Variants in TRAPPC4 observed in about 807,000 individuals in gnomAD.
TRAPPC4 encodes TRS23 homolog.
In TRAPPC4, 30 loss-of-function variants were observed where a neutral mutation model predicts 23.5. That is an observed-to-expected ratio of 1.28 (90% CI 0.96 to 1.73). The LOEUF (loss-of-function observed/expected upper bound fraction) is 1.73. Among genes scored for constraint, TRAPPC4 ranks in the 40% most tolerant of loss-of-function variants. TRAPPC4 has a pLI of 0.00. For missense variants in TRAPPC4, 252 were observed against 268.9 expected (o/e 0.94, Z 0.44); for synonymous variants, 129 against 105.3 (o/e 1.23, Z -1.38).
intron 2 of TRAPPC4, chr11:119,019,597 A>C: frequency 5.3e-6 from 2 of 374,734 alleles, no homozygotes; most frequent in Non-Finnish European, 9.9e-6. Context: ...GCGTGCCACC[A>C]CGACCAGCTA....
intron 2 of TRAPPC4, chr11:119,019,662 A>ATCTCCTG (rs1331488459): frequency 3.9e-6 from 1 of 255,146 alleles, no homozygotes; most frequent in African/African-American, 2.3e-5. Context: ...GCTGGTCTCA[A>ATCTCCTG]ACTCCTGACC....
At chr11:119,023,149 G>A in intron 4 of TRAPPC4, 172 bp from the exon 5 acceptor site, 1 of 534,706 alleles carries the variant, frequency 1.9e-6, no homozygotes, top group Admixed American at 3.0e-5. Context: ...ATTTTTAGTA[G>A]AGACAGGGTT....
At chr11:119,022,957 G>GTTGT (rs1943419494) in intron 4 of TRAPPC4, 3 of 85,514 alleles carry the variant, frequency 3.5e-5, no homozygotes, top group Admixed American at 1.6e-4. Flanking sequence ...TTTTGTTGAT[G>GTTGT]TTTTTTTTTT....
chr11:119,022,816 G>A (rs1036967650), intron 4 of TRAPPC4, among the ~76,000 whole-genome samples: 8 of 151,876 alleles, frequency 5.3e-5, no homozygotes, highest in East Asian at 3.9e-4. Flanking sequence ...AAGCAGAATC[G>A]CTTCAATCTG....
At chr11:119,019,103 C>T (rs3802883) in intron 1 of TRAPPC4, 40 bp from the exon 2 acceptor site, 4 of 1,601,572 alleles carry the variant, frequency 2.5e-6, no homozygotes, top group South Asian at 2.2e-5. Flanking sequence ...GCGGAATCCC[C>T]GGGCTGCACC....
rs1943450129 is a variant in TRAPPC4 at position 119,023,353 on chromosome 11, C to T, written c.614C>T (p.Ala205Val). Residue 205 changes from alanine to valine, a missense_variant, in exon 5 of 5, where the codon GCT (alanine) becomes GTT (valine). This residue lies in a region of TRAPPC4 where 21 missense variants were observed against 24.8 expected (regional missense o/e 0.85). Coordinates refer to ENST00000533632, the MANE Select transcript of TRAPPC4 (RefSeq NM_016146.6). Reference protein sequence around the residue: ...CELFDQNLKLALEVAEKAGTF... With the variant: ...CELFDQNLKLVLEVAEKAGTF... ...CTCTTTGACCAGAACCTGAAGCTAG[C>T]TCTGGAGGTGGCAGAGAAGGCTGGA... 6.2e-7 allele frequency: 1 copy of T among 1,613,988 alleles called. No homozygotes were observed. Among genetic ancestry groups the T allele is most frequent in the Non-Finnish European group, 8.5e-7 (1 of 1,180,006 alleles).
At chr11:119,022,774 C>T (rs1261175412) in intron 4 of TRAPPC4, among the ~76,000 whole-genome samples, 1 of 116,748 alleles carries the variant, frequency 8.6e-6, no homozygotes, top group Non-Finnish European at 1.7e-5. Context: ...TCGTGTGCAC[C>T]TGCAATCCCA....
At position 119,023,349 on chromosome 11, in the gene TRAPPC4, C is replaced by T. The variant is rs782789119; in HGVS notation, c.610C>T (p.Leu204=). The change falls in exon 5 of 5, where the codon CTA becomes TTA. Residue 204 remains leucine, a synonymous_variant. Coordinates refer to ENST00000533632, the MANE Select transcript of TRAPPC4 (RefSeq NM_016146.6). ...RCELFDQNLK[L]ALEVAEKAGT... is the part of the protein sequence containing the mutation. Reference sequence around the variant, plus strand: ...TGAGCTCTTTGACCAGAACCTGAAGCTAGCTCTGGAGGTGGCAGAGAAGGC... The same window carrying T: ...TGAGCTCTTTGACCAGAACCTGAAGTTAGCTCTGGAGGTGGCAGAGAAGGC... 6.2e-7 allele frequency: 1 copy of T among 1,614,112 alleles called. No individual in the cohort carries two copies. The highest frequency in any genetic ancestry group is 8.5e-7 in the Non-Finnish European group (1 of 1,179,996).
rs782533702 is a variant in TRAPPC4 at position 119,018,840 on chromosome 11, GATTTACC to G, written c.47_53del (p.Ile16SerfsTer54). On this transcript the variant is annotated frameshift_variant, in exon 1 of 5. Transcript: ENST00000533632. LOFTEE classifies it high-confidence loss of function. ...ATGTGGTGAACAAAGCTGGCGGCTT[GATTTACC>G]AGTTGGACAGCTACGCGCCACGGGC... The G allele has an allele frequency of 6.2e-7, 1 of 1,614,248 alleles. No individual in the cohort carries two copies. The highest frequency in any genetic ancestry group is 8.5e-7 in the Non-Finnish European group (1 of 1,180,028).
At chr11:119,019,009 G>A (rs1943250836) in intron 1 of TRAPPC4, 39 bp downstream of exon 1, 1 of 1,602,618 alleles carries the variant, frequency 6.2e-7, no homozygotes, top group Non-Finnish European at 8.5e-7. Flanking sequence ...GCGGGGGTGG[G>A]AGGGCCCCAG....
chr11:119,019,522 G>A (rs951148730), intron 2 of TRAPPC4: 30 of 560,408 alleles, frequency 5.4e-5, no homozygotes, highest in Middle Eastern at 9.6e-4. Context: ...GCTCACTGCA[G>A]CCTCTGCCTC....
Position 119,021,742 on chromosome 11 carries a change from T to A in TRAPPC4, c.455-18T>A. 6.2e-7 allele frequency: 1 copy of A among 1,613,800 alleles called. No individual in the cohort carries two copies. Among genetic ancestry groups the A allele is most frequent in the Non-Finnish European group, 8.5e-7 (1 of 1,179,808 alleles). On this transcript the variant is annotated intron_variant, in intron 3 of 4. Coordinates refer to ENST00000533632, the MANE Select transcript of TRAPPC4 (RefSeq NM_016146.6). ...TCCAGTGTCTACGCTTTGGTAACCA[T>A]TCTTGGTCTCTCTCCAGGGATCAAG...
rs781829766 is a variant in TRAPPC4, at chr11:119,020,221, C to T, written c.422C>T (p.Thr141Ile). The T allele has an allele frequency of 3.1e-6, 5 of 1,613,728 alleles. No individual in the cohort carries two copies. Among genetic ancestry groups the T allele is most frequent in the Non-Finnish European group, 3.4e-6 (4 of 1,179,982 alleles). The change falls in exon 3 of 5, where the codon ACA becomes ATA. Residue 141 changes from threonine (T) to isoleucine (I), a missense_variant. Physicochemically the swap from Thr to Ile is moderately conservative, Grantham distance 89 (BLOSUM62 -1). Around this residue, in one of 3 missense-constraint regions of TRAPPC4, gnomAD observed 222 missense variants for 217.8 expected, o/e 1.02. Coordinates refer to ENST00000533632, the MANE Select transcript of TRAPPC4 (RefSeq NM_016146.6). ...SSGIEMLETD[T>I]FKLHCYQTLT... ...GGCATTGAGATGCTGGAGACAGACA[C>T]ATTCAAATTGCACTGCTACCAGACA...
At chr11:119,019,070 G>A in intron 1 of TRAPPC4, 73 bp from the exon 2 acceptor site, 3 of 1,590,976 alleles carry the variant, frequency 1.9e-6, no homozygotes, top group Non-Finnish European at 2.6e-6. Flanking sequence ...AAAAGGGGTT[G>A]TGTCGGGTCC....
At chr11:119,021,967 T>C in intron 4 of TRAPPC4, 81 bp downstream of exon 4, 2 of 1,511,502 alleles carry the variant, frequency 1.3e-6, no homozygotes, top group South Asian at 1.2e-5. Flanking sequence ...AGCTGAAGCA[T>C]AGTAGAGTAT....
At chr11:119,022,699 G>A (rs1943401133) in intron 4 of TRAPPC4, among the ~76,000 whole-genome samples, 1 of 152,064 alleles carries the variant, frequency 6.6e-6, no homozygotes, top group Admixed American at 6.5e-5. Flanking sequence ...AGACCAGCCT[G>A]GTCAACATGG....
At position 119,023,862 on chromosome 11, in the gene TRAPPC4, T is replaced by C. The variant is rs1356047220; in HGVS notation, c.*463T>C. 3 of 156,082 alleles carry C rather than the reference T, an allele frequency of 1.9e-5. No individual in the cohort carries two copies. Among genetic ancestry groups the C allele is most frequent in the African/African-American group, 7.2e-5 (3 of 41,522 alleles). The allele number at this position is 156,082 out of a possible 1,614,324, so 9.7% of individuals were successfully genotyped here. On this transcript the variant is annotated 3_prime_UTR_variant, in exon 5 of 5. Coordinates refer to ENST00000533632, the MANE Select transcript of TRAPPC4 (RefSeq NM_016146.6). ...CAGAATTGCTGCTGATTTCCTGGGG[T>C]CCTGGGGTGGTGGCAGCAGTGGTGG...
chr11:119,019,059 G>T, intron 1 of TRAPPC4, 84 bp from the exon 2 acceptor site: 1 of 1,589,412 alleles, frequency 6.3e-7, no homozygotes, highest in South Asian at 1.1e-5. Flanking sequence ...GGGGTTGGGG[G>T]AAAAGGGGTT....
chr11:119,021,931 C>T, intron 4 of TRAPPC4, 45 bp downstream of exon 4: 1 of 1,607,626 alleles, frequency 6.2e-7, no homozygotes, highest in South Asian at 1.1e-5. Flanking sequence ...CGTCCTTGCC[C>T]CTCCCTGTGT....
Sources: allele counts gnomAD v4.1 joint callset (sites outside exome capture counted in the v4.1 genomes callset), GRCh38; gene constraint gnomAD v4.1.1; regional missense constraint gnomAD v4.1.1; transcripts MANE v1.5; gene names NCBI Gene and HGNC (gene_info 2026-07-23, HGNC 2026-07-21).